Variants in PALM2AKAP2 observed in about 807,000 individuals in gnomAD.
PALM2AKAP2 encodes the protein PALM2-AKAP2 fusion protein.
Under a neutral mutation model 71.5 loss-of-function variants are expected in PALM2AKAP2, and 37 were observed. The ratio of observed to expected loss-of-function variants is 0.52; its 90% CI spans 0.40 to 0.68. The LOEUF (loss-of-function observed/expected upper bound fraction) is 0.68, where lower values mean the gene tolerates loss of function less well. Among genes scored for constraint, PALM2AKAP2 ranks in the 30% least tolerant of loss-of-function variants. PALM2AKAP2 has a pLI of 0.00. For synonymous variants in PALM2AKAP2, 468 were observed against 478.8 expected (o/e 0.98, Z 0.29); for missense variants, 1,224 against 1,191.8 (o/e 1.03, Z -0.40).
chr9:110,117,774 A>G (rs540630968), intron 1 of PALM2AKAP2, among the ~76,000 whole-genome samples: 6 of 152,124 alleles, frequency 3.9e-5, no homozygotes, highest in African/African-American at 1.4e-4. Flanking sequence ...TCAAGGTCCC[A>G]TCTCTCAACA....
intron 1 of PALM2AKAP2, among the ~76,000 whole-genome samples, chr9:109,641,051 G>A (rs532917460): frequency 6.6e-6 from 1 of 152,230 alleles, no homozygotes; most frequent in South Asian, 2.1e-4. Context: ...TGGGAGCCCC[G>A]GGTGGCGTGG....
chr9:109,659,240 A>G (rs1343782510), intron 1 of PALM2AKAP2, among the ~76,000 whole-genome samples: 1 of 152,238 alleles, frequency 6.6e-6, no homozygotes, highest in Non-Finnish European at 1.5e-5. Flanking sequence ...TTTAAATACC[A>G]CACAATGAAT....
chr9:109,825,669 A>G (rs1350476437), intron 1 of PALM2AKAP2, among the ~76,000 whole-genome samples: 1 of 152,230 alleles, frequency 6.6e-6, no homozygotes, highest in African/African-American at 2.4e-5. Context: ...ATGAGATACC[A>G]TCTCACACCA....
intron 1 of PALM2AKAP2, among the ~76,000 whole-genome samples, chr9:109,748,371 C>T (rs1448936123): frequency 2.0e-5 from 3 of 152,114 alleles, no homozygotes; most frequent in African/African-American, 4.8e-5. Context: ...GGGAATGACG[C>T]ACTACAGGGG....
chr9:109,786,971 A>G (rs1419205082), intron 1 of PALM2AKAP2, among the ~76,000 whole-genome samples: 1 of 152,162 alleles, frequency 6.6e-6, no homozygotes, highest in Non-Finnish European at 1.5e-5. Flanking sequence ...TTCACCACTG[A>G]TCCCATTTGG....
intron 1 of PALM2AKAP2, among the ~76,000 whole-genome samples, chr9:109,720,148 C>T (rs975065613): frequency 1.3e-5 from 2 of 152,052 alleles, no homozygotes; most frequent in African/African-American, 4.8e-5. Context: ...GCTACTGCGC[C>T]CAGCTAATTT....
At chr9:109,791,942 C>T (rs1827121187) in intron 1 of PALM2AKAP2, among the ~76,000 whole-genome samples, 1 of 152,192 alleles carries the variant, frequency 6.6e-6, no homozygotes, top group East Asian at 1.9e-4. Flanking sequence ...GATTTGTTCC[C>T]TGTCTCAATG....
intron 6 of PALM2AKAP2, among the ~76,000 whole-genome samples, chr9:109,938,159 C>A (rs937543365): frequency 3.3e-5 from 5 of 152,216 alleles, no homozygotes; most frequent in East Asian, 3.8e-4. Context: ...GGTTCATATG[C>A]ACTCTAGTTC....
At chr9:109,881,750 A>T (rs541903733) in intron 3 of PALM2AKAP2, among the ~76,000 whole-genome samples, 1 of 152,234 alleles carries the variant, frequency 6.6e-6, no homozygotes, top group African/African-American at 2.4e-5. Context: ...GAGATATGAG[A>T]TAGGGATGGA....
chr9:109,880,758 T>G, intron 3 of PALM2AKAP2, 77 bp downstream of exon 3: 3 of 1,535,128 alleles, frequency 2.0e-6, no homozygotes, highest in Non-Finnish European at 2.6e-6. Context: ...TAGGTGGCCT[T>G]TCTCAATACT....
chr9:109,661,918 C>A (rs1403412596), intron 1 of PALM2AKAP2, among the ~76,000 whole-genome samples: 1 of 152,134 alleles, frequency 6.6e-6, no homozygotes, highest in African/African-American at 2.4e-5. Context: ...ATTTTATTCT[C>A]TTTGAAGCAA....
At chr9:109,820,833 C>G (rs994926490) in intron 1 of PALM2AKAP2, among the ~76,000 whole-genome samples, 1 of 152,128 alleles carries the variant, frequency 6.6e-6, no homozygotes, top group Non-Finnish European at 1.5e-5. Context: ...CAACATATAC[C>G]GGTGGCTTTG....
At chr9:109,835,511 G>T (rs1262358099) in intron 1 of PALM2AKAP2, among the ~76,000 whole-genome samples, 1 of 152,096 alleles carries the variant, frequency 6.6e-6, no homozygotes, top group Non-Finnish European at 1.5e-5. Flanking sequence ...TCATCTCATT[G>T]GGGCTTGTCG....
intron 1 of PALM2AKAP2, among the ~76,000 whole-genome samples, chr9:109,725,273 T>C (rs1028681990): frequency 5.3e-5 from 8 of 152,172 alleles, no homozygotes; most frequent in African/African-American, 1.9e-4. Flanking sequence ...AATGTTGATA[T>C]TTTGTTCATC....
At chr9:110,052,184 G>A (rs1486536803) in intron 1 of PALM2AKAP2, among the ~76,000 whole-genome samples, 2 of 152,318 alleles carry the variant, frequency 1.3e-5, no homozygotes, top group African/African-American at 2.4e-5. Flanking sequence ...TTACAGGCAT[G>A]AGCCATCATG....
intron 6 of PALM2AKAP2, among the ~76,000 whole-genome samples, chr9:109,968,547 A>G (rs1832000749): frequency 6.6e-6 from 1 of 151,918 alleles, no homozygotes; most frequent in African/African-American, 2.4e-5. Context: ...GTCTCTGGCC[A>G]CTCTGTTGGG....
chr9:110,032,726 AT>A (rs1270567042), intron 7 of PALM2AKAP2, among the ~76,000 whole-genome samples: 2 of 147,172 alleles, frequency 1.4e-5, no homozygotes, highest in African/African-American at 2.5e-5. Context: ...AAATAAATAA[AT>A]AAATAAATAA....
At chr9:109,737,300 G>A (rs1193236336) in intron 1 of PALM2AKAP2, among the ~76,000 whole-genome samples, 8 of 152,226 alleles carry the variant, frequency 5.3e-5, no homozygotes, top group Admixed American at 2.0e-4. Flanking sequence ...TGGTCATCAC[G>A]ATGGGAAAGA....
intron 1 of PALM2AKAP2, among the ~76,000 whole-genome samples, chr9:109,866,070 G>A (rs970777940): frequency 1.1e-4 from 16 of 152,146 alleles, no homozygotes; most frequent in Non-Finnish European, 7.3e-5. Flanking sequence ...GATTATATCC[G>A]TGACTTAGAT....
Sources: allele counts gnomAD v4.1 joint callset (sites outside exome capture counted in the v4.1 genomes callset), GRCh38; gene constraint gnomAD v4.1.1; transcripts MANE v1.5; gene names NCBI Gene and HGNC (gene_info 2026-07-23, HGNC 2026-07-21).